The following SLC6A2 variants were observed in gnomAD, a reference collection of about 807,000 sequenced individuals.
SLC6A2 encodes sodium-dependent noradrenaline transporter.
In SLC6A2, 26 loss-of-function variants were observed where a neutral mutation model predicts 71.7. The observed-to-expected ratio is 0.36, with a 90% CI of 0.27 to 0.50. The LOEUF is 0.50. Ranked by LOEUF, SLC6A2 falls within the 20% of genes least tolerant of loss-of-function variation. SLC6A2 has a pLI of 0.96. For synonymous variants in SLC6A2, 363 were observed against 337.9 expected (o/e 1.07, Z -0.82); for missense variants, 581 against 803.9 (o/e 0.72, Z 3.35).
intron 3 of SLC6A2, among the ~76,000 whole-genome samples, chr16:55,670,941 A>G (rs920156450): frequency 3.9e-5 from 6 of 152,192 alleles, no homozygotes; most frequent in African/African-American, 1.4e-4. Context: ...GGGCAGGTAA[A>G]CAATACATCT....
At position 55,702,413 on chromosome 16, in the gene SLC6A2, C is replaced by T; in HGVS notation, c.*67C>T. 4.3e-6 allele frequency: 7 copies of T among 1,613,918 alleles called. No homozygotes were observed. Among genetic ancestry groups the T allele is most frequent in the Non-Finnish European group, 5.9e-6 (7 of 1,179,910 alleles). ...AGGTCACAGGCATCCGCTGCGCTCC[C>T]ACCTCGGACACCATCTTGGGATTCC... On this transcript the variant is annotated 3_prime_UTR_variant, in exon 15 of 15. Coordinates refer to ENST00000568943, the MANE Select transcript of SLC6A2 (RefSeq NM_001172501.3).
At chr16:55,695,527 C>T (rs1299971956) in intron 8 of SLC6A2, 125 bp downstream of exon 8, 4 of 1,067,048 alleles carry the variant, frequency 3.7e-6, no homozygotes, top group Non-Finnish European at 5.6e-6. Context: ...GGTGTCCAAA[C>T]CACCCATGTG....
chr16:55,701,183 G>A (rs1965961686), intron 13 of SLC6A2, among the ~76,000 whole-genome samples: 1 of 152,078 alleles, frequency 6.6e-6, no homozygotes, highest in Admixed American at 6.5e-5. Context: ...GGCATCCTTG[G>A]GAGCCACAAG....
rs1297555256 is a variant in SLC6A2 at position 55,698,472 on chromosome 16, G to A, written c.1393G>A (p.Gly465Arg). ...GCTTCTTCTCTCCCTGTGCCAGGGT[G>A]GAATTTACGTCTTGACCCTCCTGGA... ...LLALFCITKG[G>R]IYVLTLLDTF... The change falls in exon 11 of 15, where the codon GGA (glycine) becomes AGA (arginine). Residue 465 changes from glycine to arginine, a missense_variant. Gly to Arg is a moderately radical substitution (Grantham distance 125, BLOSUM62 -2). This residue lies in a region of SLC6A2 where 334 missense variants were observed against 449.0 expected (regional missense o/e 0.74). Coordinates refer to ENST00000568943, the MANE Select transcript of SLC6A2 (RefSeq NM_001172501.3). The A allele has an allele frequency of 1.9e-6, 3 of 1,612,870 alleles. No homozygotes were observed. The highest frequency in any genetic ancestry group is 3.3e-5 in the Admixed American group (2 of 60,012).
chr16:55,702,508 T>C lies in SLC6A2; in HGVS notation c.*162T>C, dbSNP rs1966003955. The stretch of plus-strand genomic sequence containing the variant: ...TACAAATGATTTCGTGACTGTAGTT[T>C]TTGTTCACCTTCTGTGCATCTGGCC... On this transcript the variant is annotated 3_prime_UTR_variant, in exon 15 of 15. Coordinates refer to ENST00000568943, the MANE Select transcript of SLC6A2 (RefSeq NM_001172501.3). The C allele has an allele frequency of 6.5e-7, 1 of 1,528,484 alleles. No homozygotes were observed. The highest frequency in any genetic ancestry group is 1.4e-5 in the African/African-American group (1 of 72,704). 94.7% of individuals were successfully genotyped at this position (1,528,484 alleles called of 1,614,324 possible).
chr16:55,690,046 C>CAA (rs1444857008), intron 5 of SLC6A2, among the ~76,000 whole-genome samples: 2 of 152,174 alleles, frequency 1.3e-5, no homozygotes, highest in African/African-American at 4.8e-5. Context: ...ATCACTTACC[C>CAA]ACTCATTCAT....
rs78727200 is a variant in SLC6A2, at chr16:55,660,262, G to A, written c.274+3294G>A. Among the ~76,000 whole-genome samples, 462 of 152,298 alleles carry A rather than the reference G, an allele frequency of 3.0e-3. 8 individuals are homozygous for A. Among genetic ancestry groups the A allele is most frequent in the African/African-American group, 0.011 (438 of 41,560 alleles). On this transcript the variant is annotated intron_variant, in intron 2 of 14. Coordinates refer to ENST00000568943, the MANE Select transcript of SLC6A2 (RefSeq NM_001172501.3). The stretch of plus-strand genomic sequence containing the variant: ...AGGGCAAGCCAGGAGAGATAAGGGT[G>A]CAGGGGCAAGTTGGGGCCAGGCTGC...
chr16:55,689,951 C>T (rs1458810308), intron 5 of SLC6A2, among the ~76,000 whole-genome samples: 1 of 152,178 alleles, frequency 6.6e-6, no homozygotes, highest in South Asian at 2.1e-4. Flanking sequence ...TGCATTTACT[C>T]GCTCCCATGC....
At chr16:55,691,085 A>C (rs1160239249) in intron 5 of SLC6A2, among the ~76,000 whole-genome samples, 1 of 152,004 alleles carries the variant, frequency 6.6e-6, no homozygotes, top group Non-Finnish European at 1.5e-5. Context: ...CTTAGGAAAG[A>C]AAATATGCTT....
At position 55,662,195 on chromosome 16, in the gene SLC6A2, G is replaced by A. The variant is rs1964628410; in HGVS notation, c.274+5227G>A. Among the ~76,000 whole-genome samples, 3 of 152,206 alleles carry A rather than the reference G, an allele frequency of 2.0e-5. No individual in the cohort carries two copies. The South Asian group carries it at 6.2e-4, about 31-fold the overall frequency. On this transcript the variant is annotated intron_variant, in intron 2 of 14. Transcript: ENST00000568943. Reference sequence around the variant, plus strand: ...ATCTGAAAGGGGCTGTTCCTGACAAGATTGGGATTTAATAGGGATAAATGT... The same window carrying A: ...ATCTGAAAGGGGCTGTTCCTGACAAAATTGGGATTTAATAGGGATAAATGT...
rs767291390 is a variant in SLC6A2 at position 55,701,830 on chromosome 16, A to G, written c.1759-33A>G. On this transcript the variant is annotated intron_variant, in intron 13 of 14. Transcript: ENST00000568943. ...CTGCCAGAAGGGTGTCCCTGGGCCA[A>G]GCTGAGGCCTCCTCCCCTTCTCTTC... The G allele has an allele frequency of 4.4e-6, 7 of 1,582,194 alleles. No homozygotes were observed. In the Admixed American group the frequency reaches 5.0e-5, roughly 11 times the overall value.
Position 55,705,314 on chromosome 16 carries a change from C to T in SLC6A2, c.*2968C>T. 7.0e-7 allele frequency: 1 copy of T among 1,436,970 alleles called. No homozygotes were observed. The highest frequency in any genetic ancestry group is 9.4e-7 in the Non-Finnish European group (1 of 1,058,764). The allele number at this position is 1,436,970 out of a possible 1,614,324, so 89.0% of individuals were successfully genotyped here. A position where few individuals can be genotyped will look rare whatever the true frequency, so the allele number is the denominator to read the frequency against. On this transcript the variant is annotated 3_prime_UTR_variant, in exon 15 of 15. Transcript: ENST00000568943. ...CTGCCTTAATTCTCAAAAGGAGTTACCGCTCAGCTGGGAGCCAGTTCCTGC... is the reference window on the plus strand; with the variant it reads ...CTGCCTTAATTCTCAAAAGGAGTTATCGCTCAGCTGGGAGCCAGTTCCTGC...
At chr16:55,688,491 T>G (rs1200780640) in intron 5 of SLC6A2, among the ~76,000 whole-genome samples, 1 of 152,230 alleles carries the variant, frequency 6.6e-6, no homozygotes, top group Admixed American at 6.5e-5. Flanking sequence ...AAGGGTAAAT[T>G]AATGCAGATT....
chr16:55,699,995 C>A, intron 12 of SLC6A2, 144 bp from the exon 13 acceptor site: 1 of 739,102 alleles, frequency 1.4e-6, no homozygotes, highest in Non-Finnish European at 2.4e-6. Flanking sequence ...TTCTCTTTTC[C>A]ACTCCTTCCT....
At chr16:55,699,523 A>G (rs1159577186) in intron 11 of SLC6A2, 31 bp from the exon 12 acceptor site, 4 of 1,566,770 alleles carry the variant, frequency 2.6e-6, no homozygotes, top group Non-Finnish European at 3.5e-6. Flanking sequence ...CATGGGGGCC[A>G]TGGTAACAGG....
At chr16:55,694,239 C>T (rs1377438096) in intron 7 of SLC6A2, 126 bp downstream of exon 7, 3 of 731,870 alleles carry the variant, frequency 4.1e-6, no homozygotes, top group Admixed American at 1.9e-5. Flanking sequence ...TCTTGTGAAC[C>T]ATCCTGGGCA....
intron 5 of SLC6A2, among the ~76,000 whole-genome samples, chr16:55,689,750 G>T (rs1402225411): frequency 1.3e-5 from 2 of 152,188 alleles, no homozygotes; most frequent in Non-Finnish European, 2.9e-5. Context: ...ACTTTCCAGG[G>T]CATGTTTCCC....
Position 55,697,978 on chromosome 16 carries a change from G to T in SLC6A2, c.1342G>T (p.Gly448Cys). 1 of 1,614,138 alleles carries T rather than the reference G, an allele frequency of 6.2e-7. No individual in the cohort carries two copies. Among genetic ancestry groups the T allele is most frequent in the Non-Finnish European group, 8.5e-7 (1 of 1,180,022 alleles). ...GCGACACCGGAAACTCTTCACATTTGGCGTCACCTTCAGCACTTTCCTTCT... is the reference window on the plus strand; with the variant it reads ...GCGACACCGGAAACTCTTCACATTTTGCGTCACCTTCAGCACTTTCCTTCT... Reference protein sequence around the residue: ...LKRHRKLFTFGVTFSTFLLAL... With the variant: ...LKRHRKLFTFCVTFSTFLLAL... The change falls in exon 10 of 15, where the codon GGC (glycine) becomes TGC (cysteine). Residue 448 changes from glycine to cysteine, a missense_variant. Coordinates refer to ENST00000568943, the MANE Select transcript of SLC6A2 (RefSeq NM_001172501.3).
Position 55,656,808 on chromosome 16 carries a change from G to A in SLC6A2, c.114G>A (p.Glu38=). The change falls in exon 2 of 15, where the codon GAG becomes GAA. Residue 38 remains glutamate (E), a synonymous_variant. Transcript: ENST00000568943. The surrounding 1 kb of genome is among the most constrained non-coding windows in gnomAD (Gnocchi z 4.5). ...RKTAELLVVK[E]RNGVQCLLAP... ...CTGCGGAGCTGCTGGTGGTGAAGGAGCGCAACGGCGTCCAGTGCCTGCTGG... is the reference window on the plus strand; with the variant it reads ...CTGCGGAGCTGCTGGTGGTGAAGGAACGCAACGGCGTCCAGTGCCTGCTGG... 2 of 1,613,384 alleles carry A rather than the reference G, an allele frequency of 1.2e-6. No homozygotes were observed. Among genetic ancestry groups the A allele is most frequent in the South Asian group, 2.2e-5 (2 of 91,042 alleles).
Sources: allele counts gnomAD v4.1 joint callset (sites outside exome capture counted in the v4.1 genomes callset), GRCh38; gene constraint gnomAD v4.1.1; regional missense constraint gnomAD v4.1.1; non-coding constraint Gnocchi (gnomAD v3.1); transcripts MANE v1.5; gene names NCBI Gene and HGNC (gene_info 2026-07-23, HGNC 2026-07-21).